CDH13: variants seen among roughly 807,000 people sequenced by gnomAD.
The protein encoded by CDH13 is cadherin-13.
In CDH13, 24 loss-of-function variants were observed where a neutral mutation model predicts 63.8. The ratio of observed to expected loss-of-function variants is 0.38; its 90% CI spans 0.27 to 0.53. The LOEUF is 0.53. Ranked by LOEUF, CDH13 falls within the 20% of genes least tolerant of loss-of-function variation. The pLI is 0.85. For synonymous variants in CDH13, 503 were observed against 355.3 expected, an observed-to-expected ratio of 1.42 and a Z score of -4.67; for missense variants, 1,049 against 903.1, an observed-to-expected ratio of 1.16 and a Z score of -2.07.
intron 1 of CDH13, among the ~76,000 whole-genome samples, chr16:82,698,006 G>T (rs377284934): frequency 1.3e-5 from 2 of 152,070 alleles, no homozygotes; most frequent in East Asian, 3.9e-4. Flanking sequence ...ATGTTCCAGC[G>T]CAGTGATTGG....
chr16:82,766,329 G>C (rs2035052683), intron 1 of CDH13, among the ~76,000 whole-genome samples: 1 of 152,202 alleles, frequency 6.6e-6, no homozygotes, highest in African/African-American at 2.4e-5. Context: ...GGTCCAAACT[G>C]TTTCTGAAGG....
At chr16:83,617,352 C>G (rs1450382222) in intron 8 of CDH13, among the ~76,000 whole-genome samples, 1 of 152,052 alleles carries the variant, frequency 6.6e-6, no homozygotes, top group Non-Finnish European at 1.5e-5. Flanking sequence ...ATAAGTAATA[C>G]TCTATTATGT....
chr16:83,693,251 T>C (rs934932926), intron 10 of CDH13, among the ~76,000 whole-genome samples: 1 of 152,144 alleles, frequency 6.6e-6, no homozygotes, highest in Non-Finnish European at 1.5e-5. Flanking sequence ...TGGGGAGGAA[T>C]AGTAATATCT....
chr16:82,696,320 A>G (rs1448923689), intron 1 of CDH13, among the ~76,000 whole-genome samples: 1 of 152,218 alleles, frequency 6.6e-6, no homozygotes, highest in African/African-American at 2.4e-5. Flanking sequence ...ATATAAATGA[A>G]AGATTACTTT....
At position 82,644,524 on chromosome 16, in the gene CDH13, A is replaced by G. The variant is rs1909844405; in HGVS notation, c.45+17387A>G. Among the ~76,000 whole-genome samples, 1 of 152,208 alleles carries G rather than the reference A, an allele frequency of 6.6e-6. No individual in the cohort carries two copies. The highest frequency in any genetic ancestry group is 1.5e-5 in the Non-Finnish European group (1 of 68,026). ...CACAGTGAAACAAGGAAAGCAGCCT[A>G]GAGCTGGTCCCCAGACCAGGCCCAG... On this transcript the variant is annotated intron_variant, in intron 1 of 13. Coordinates refer to ENST00000567109, the MANE Select transcript of CDH13 (RefSeq NM_001257.5). The surrounding 1 kb of genome is among the most constrained non-coding windows in gnomAD (Gnocchi z 5.7).
chr16:83,232,613 A>T (rs1397168553), intron 5 of CDH13, among the ~76,000 whole-genome samples: 2 of 151,330 alleles, frequency 1.3e-5, no homozygotes, highest in Non-Finnish European at 2.9e-5. Flanking sequence ...TGCCTTTGCC[A>T]TGTTATACGC....
chr16:83,507,844 C>G (rs192937397), intron 7 of CDH13, among the ~76,000 whole-genome samples: 1 of 83,870 alleles, frequency 1.2e-5, no homozygotes, highest in Non-Finnish European at 2.9e-5. Flanking sequence ...GCCAGCCTGG[C>G]CAACATAGTA....
intron 2 of CDH13, among the ~76,000 whole-genome samples, chr16:82,895,102 A>T (rs1045406567): frequency 2.0e-5 from 3 of 152,220 alleles, no homozygotes; most frequent in Non-Finnish European, 4.4e-5. Flanking sequence ...ATTCAGTGGC[A>T]TTTAGCGTAT....
At chr16:83,728,294 C>T (rs1399416816) in intron 10 of CDH13, among the ~76,000 whole-genome samples, 3 of 151,084 alleles carry the variant, frequency 2.0e-5, no homozygotes, top group Non-Finnish European at 4.4e-5. Context: ...CGGTGTGATT[C>T]GCTAACAGTT....
rs1213500850 is a variant in CDH13 at position 83,386,129 on chromosome 16, C to T, written c.781+41123C>T. Among the ~76,000 whole-genome samples, 5 of 152,166 alleles carry T rather than the reference C, an allele frequency of 3.3e-5. No individual in the cohort carries two copies. The East Asian group carries it at 9.6e-4, about 29-fold the overall frequency. ...GGATTAAGTAGTTAGAAACATGTCG[C>T]TGTTGAGGAAACATGAGCTGCTGTT... On this transcript the variant is annotated intron_variant, in intron 6 of 13. Coordinates refer to ENST00000567109, the MANE Select transcript of CDH13 (RefSeq NM_001257.5).
intron 4 of CDH13, among the ~76,000 whole-genome samples, chr16:83,131,947 C>T (rs548261055): frequency 8.5e-5 from 13 of 152,256 alleles, no homozygotes; most frequent in South Asian, 6.2e-4. Context: ...GTGTCATGAA[C>T]GTAAGTCAGA....
At chr16:82,919,465 G>A (rs1448132762) in intron 2 of CDH13, among the ~76,000 whole-genome samples, 1 of 152,084 alleles carries the variant, frequency 6.6e-6, no homozygotes, top group Non-Finnish European at 1.5e-5. Context: ...GTGGTATTTG[G>A]TTTTCTGTTC....
At chr16:82,869,998 C>T (rs2040288674) in intron 2 of CDH13, among the ~76,000 whole-genome samples, 2 of 152,108 alleles carry the variant, frequency 1.3e-5, no homozygotes, top group African/African-American at 4.8e-5. Context: ...AAGTTAAAAA[C>T]TTCCTGCATA....
At chr16:83,214,178 T>A (rs1031044284) in intron 4 of CDH13, among the ~76,000 whole-genome samples, 6 of 152,026 alleles carry the variant, frequency 3.9e-5, no homozygotes, top group African/African-American at 1.4e-4. Context: ...GAAGCAATAA[T>A]GACCACAGTG....
At position 83,750,973 on chromosome 16, in the gene CDH13, A is replaced by AT. The variant is rs1323390891; in HGVS notation, c.1681+2726dup. ...CTTGTAGCAAGTGCTTAACTTAACT[A>AT]TTTAAAAAAAAAAAAAAACAGGTAA... On this transcript the variant is annotated intron_variant, in intron 11 of 13. Coordinates refer to ENST00000567109, the MANE Select transcript of CDH13 (RefSeq NM_001257.5). 1.2e-3 allele frequency among the ~76,000 whole-genome samples: 28 copies of AT among 24,130 alleles called. No homozygotes were observed. In the East Asian group the frequency reaches 0.022, roughly 19 times the overall value. 15.8% of individuals were successfully genotyped at this position (24,130 alleles called of 152,430 possible). A position where few individuals can be genotyped will look rare whatever the true frequency, so the allele number is the denominator to read the frequency against.
intron 1 of CDH13, among the ~76,000 whole-genome samples, chr16:82,714,278 TC>T (rs1395712351): frequency 1.3e-5 from 2 of 152,130 alleles, no homozygotes. Flanking sequence ...TGAATTGTGT[TC>T]CCCCAAAAGA....
chr16:83,045,109 C>T (rs754773102), intron 3 of CDH13, among the ~76,000 whole-genome samples: 4 of 152,076 alleles, frequency 2.6e-5, no homozygotes, highest in African/African-American at 9.7e-5. Context: ...GCCGGCTTTG[C>T]GGTCGGCATG....
At chr16:82,639,328 T>C (rs1567579351) in intron 1 of CDH13, 2 of 1,483,022 alleles carry the variant, frequency 1.3e-6, no homozygotes, top group South Asian at 1.2e-5. Context: ...GTCATTTGTG[T>C]TCTTTGTCTC....
chr16:82,956,559 T>G lies in CDH13; in HGVS notation c.158-75451T>G, dbSNP rs16958947. Among the ~76,000 whole-genome samples, 1,194 of 152,270 alleles carry G rather than the reference T, an allele frequency of 7.8e-3. 14 individuals carry two copies. The highest frequency in any genetic ancestry group is 0.028 in the African/African-American group (1,162 of 41,568). ...TATATCCTGCCACACCCTTTGGAACTCCTCTTGGATCATCATTACCCCCGA... is the reference window on the plus strand; with the variant it reads ...TATATCCTGCCACACCCTTTGGAACGCCTCTTGGATCATCATTACCCCCGA... On this transcript the variant is annotated intron_variant, in intron 2 of 13. Transcript: ENST00000567109.
Sources: allele counts gnomAD v4.1 joint callset (sites outside exome capture counted in the v4.1 genomes callset), GRCh38; gene constraint gnomAD v4.1.1; non-coding constraint Gnocchi (gnomAD v3.1); transcripts MANE v1.5; gene names NCBI Gene and HGNC (gene_info 2026-07-23, HGNC 2026-07-21).